Variants in ITIH5 observed in about 807,000 individuals in gnomAD.
The protein encoded by ITIH5 is inter-alpha-trypsin inhibitor heavy chain 5.
Under a neutral mutation model 77.5 loss-of-function variants are expected in ITIH5, and 65 were observed. The ratio of observed to expected loss-of-function variants is 0.84; its 90% CI spans 0.69 to 1.03. The LOEUF is 1.03. Among genes scored for constraint, ITIH5 ranks in the 50% least tolerant of loss-of-function variants. The pLI, the probability that ITIH5 is intolerant of heterozygous loss-of-function variation, is 0.00. For synonymous variants in ITIH5, 525 were observed against 494.3 expected (o/e 1.06, Z -0.82); for missense variants, 1,208 against 1,213.1 (o/e 1.00, Z 0.06).
intron 8 of ITIH5, among the ~76,000 whole-genome samples, chr10:7,583,967 T>G (rs998568130): frequency 3.9e-5 from 6 of 152,158 alleles, no homozygotes; most frequent in Non-Finnish European, 8.8e-5. Flanking sequence ...ATCTGATGCT[T>G]AAAGAGGACT....
chr10:7,562,914 C>A lies in ITIH5; in HGVS notation c.*169G>T. On this transcript the variant is annotated 3_prime_UTR_variant, in exon 14 of 14. Transcript: ENST00000397146. ...CACTCAGGCTTCCCGCCCCTACCCA[C>A]CCCTACCCTTCGCCCAGACAGACGT... 7.1e-6 allele frequency: 4 copies of A among 565,576 alleles called. No homozygotes were observed. The highest frequency in any genetic ancestry group is 6.6e-6 in the Non-Finnish European group (2 of 302,560). The allele number at this position is 565,576 out of a possible 1,614,324, so 35.0% of individuals were successfully genotyped here. A position where few individuals can be genotyped will look rare whatever the true frequency, so the allele number is the denominator to read the frequency against.
chr10:7,621,626 T>A (rs1833475638), intron 5 of ITIH5: 1 of 152,192 alleles, frequency 6.6e-6, no homozygotes, highest in Non-Finnish European at 1.5e-5. Flanking sequence ...CACTACTTTT[T>A]TTTTAAGTTT....
At chr10:7,579,050 A>G (rs780206492) in intron 9 of ITIH5, among the ~76,000 whole-genome samples, 1 of 152,264 alleles carries the variant, frequency 6.6e-6, no homozygotes, top group Non-Finnish European at 1.5e-5. Flanking sequence ...AACTTACTAG[A>G]AAGTGCTTTG....
In ITIH5 at chr10:7,572,220, A is replaced by G; in HGVS notation, c.2032+922T>C. The G allele has an allele frequency of 3.2e-6, 4 of 1,268,600 alleles. No homozygotes were observed. The South Asian group carries it at 4.1e-5, about 13-fold the overall frequency. 78.6% of individuals were successfully genotyped at this position (1,268,600 alleles called of 1,614,324 possible). On this transcript the variant is annotated intron_variant, in intron 11 of 13. Transcript: ENST00000397146. Reference sequence around the variant, plus strand: ...TCCCTGGCTTTAGGAACTTGCACGTACAGCACAGCAGCAGAAAGGCAACAA... The same window carrying G: ...TCCCTGGCTTTAGGAACTTGCACGTGCAGCACAGCAGCAGAAAGGCAACAA...
In ITIH5 at chr10:7,589,439, A is replaced by G. The variant is rs111296228; in HGVS notation, c.940-3370T>C. Among the ~76,000 whole-genome samples the G allele has an allele frequency of 7.5e-3, 1,141 of 152,264 alleles. 11 individuals are homozygous for G. The highest frequency in any genetic ancestry group is 0.025 in the African/African-American group (1,042 of 41,534). On this transcript the variant is annotated intron_variant, in intron 7 of 13. Coordinates refer to ENST00000397146, the MANE Select transcript of ITIH5 (RefSeq NM_030569.7). ...ATGCCACTGCACTCCAGCCTGGGCG[A>G]CAGAGCGAGACTCTATCTCAAAAAA...
intron 5 of ITIH5, among the ~76,000 whole-genome samples, chr10:7,633,378 C>T (rs572382060): frequency 1.4e-5 from 2 of 143,706 alleles, no homozygotes; most frequent in Non-Finnish European, 3.0e-5. Context: ...GGGTTCAATC[C>T]TGATATATCA....
intron 1 of ITIH5, among the ~76,000 whole-genome samples, chr10:7,661,048 T>C (rs553051452): frequency 1.3e-5 from 2 of 152,350 alleles, no homozygotes; most frequent in South Asian, 2.1e-4. Context: ...TAGATTCTCA[T>C]AGGAGGCAAA....
intron 7 of ITIH5, among the ~76,000 whole-genome samples, chr10:7,610,622 C>G (rs1180199351): frequency 6.6e-6 from 1 of 152,178 alleles, no homozygotes; most frequent in Non-Finnish European, 1.5e-5. Context: ...ATGAAAAGCC[C>G]TTTGCTTGGG....
intron 5 of ITIH5, chr10:7,619,032 C>G (rs12219950): frequency 6.6e-6 from 1 of 152,050 alleles, no homozygotes; most frequent in Non-Finnish European, 1.5e-5. Context: ...AGAGAGAACA[C>G]GAGTCCACAG....
At chr10:7,606,820 C>T (rs1378084446) in intron 7 of ITIH5, among the ~76,000 whole-genome samples, 1 of 152,200 alleles carries the variant, frequency 6.6e-6, no homozygotes, top group Non-Finnish European at 1.5e-5. Flanking sequence ...ACTACCTCAA[C>T]AACAGCAATA....
At chr10:7,655,902 A>G (rs2131107272) in intron 1 of ITIH5, among the ~76,000 whole-genome samples, 1 of 152,356 alleles carries the variant, frequency 6.6e-6, no homozygotes, top group Non-Finnish European at 1.5e-5. Context: ...CTCTTAACCC[A>G]TAATGTCACA....
At chr10:7,577,054 C>A (rs1274393750) in intron 9 of ITIH5, 42 bp from the exon 10 acceptor site, 1 of 1,540,492 alleles carries the variant, frequency 6.5e-7, no homozygotes, top group South Asian at 1.2e-5. Context: ...CAGGGCCCTG[C>A]TCTGACAGCA....
chr10:7,615,923 A>T, intron 7 of ITIH5, 59 bp downstream of exon 7: 1 of 1,052,250 alleles, frequency 9.5e-7, no homozygotes, highest in Non-Finnish European at 1.5e-6. Context: ...TTCGCAAAGC[A>T]AGTCATTGTC....
At chr10:7,575,843 A>G (rs1832401145) in intron 10 of ITIH5, among the ~76,000 whole-genome samples, 2 of 152,154 alleles carry the variant, frequency 1.3e-5, no homozygotes, top group Non-Finnish European at 2.9e-5. Context: ...CCATGCCTGA[A>G]ACCTGGCAAG....
intron 7 of ITIH5, among the ~76,000 whole-genome samples, chr10:7,611,100 T>C (rs1833234885): frequency 6.6e-6 from 1 of 152,266 alleles, no homozygotes; most frequent in African/African-American, 2.4e-5. Flanking sequence ...GTGTGCCTTC[T>C]TGCCGCAACC....
chr10:7,602,218 C>A (rs1833029953), intron 7 of ITIH5, among the ~76,000 whole-genome samples: 1 of 152,160 alleles, frequency 6.6e-6, no homozygotes, highest in Non-Finnish European at 1.5e-5. Flanking sequence ...GAGTTTTATC[C>A]ATTCTTCAAC....
chr10:7,567,848 T>G (rs1832219061), intron 12 of ITIH5, among the ~76,000 whole-genome samples: 1 of 152,194 alleles, frequency 6.6e-6, no homozygotes, highest in Non-Finnish European at 1.5e-5. Flanking sequence ...CACTGCAGCC[T>G]AGGCAACAGA....
chr10:7,646,965 C>A (rs1012418738), intron 2 of ITIH5, among the ~76,000 whole-genome samples: 1 of 152,190 alleles, frequency 6.6e-6, no homozygotes, highest in African/African-American at 2.4e-5. Flanking sequence ...GGCACAGACC[C>A]CCATCTCCAT....
At chr10:7,563,512 T>A in intron 13 of ITIH5, 128 bp from the exon 14 acceptor site, 1 of 759,640 alleles carries the variant, frequency 1.3e-6, no homozygotes. Flanking sequence ...ACTCTCCCAG[T>A]GACATGGAAG....
Sources: allele counts gnomAD v4.1 joint callset (sites outside exome capture counted in the v4.1 genomes callset), GRCh38; gene constraint gnomAD v4.1.1; transcripts MANE v1.5; gene names NCBI Gene and HGNC (gene_info 2026-07-23, HGNC 2026-07-21).